The following SHROOM3 variants were observed in gnomAD, a reference collection of about 807,000 sequenced individuals.
SHROOM3 encodes the protein shroom family member 3, also known as protein Shroom3.
A neutral mutation model predicts 138.6 loss-of-function variants in SHROOM3; 47 were observed. The observed-to-expected ratio is 0.34, with a 90% CI of 0.27 to 0.43. SHROOM3 has a LOEUF of 0.43. Ranked by LOEUF, SHROOM3 falls within the 20% of genes least tolerant of loss-of-function variation. The probability of loss-of-function intolerance (pLI) is 1.00; values close to 1 mark genes in which losing one functional copy is unlikely to be tolerated. For synonymous variants in SHROOM3, 1,062 were observed against 1,063.3 expected, an observed-to-expected ratio of 1.00 and a Z score of 0.02; for missense variants, 2,491 against 2,596.5, an observed-to-expected ratio of 0.96 and a Z score of 0.88.
At position 76,518,186 on chromosome 4, in the gene SHROOM3, T is replaced by C. The variant is rs1490344628; in HGVS notation, c.169-37423T>C. Among the ~76,000 whole-genome samples the C allele has an allele frequency of 4.6e-5, 7 of 152,234 alleles. No homozygotes were observed. In the East Asian group the frequency reaches 1.4e-3, roughly 29 times the overall value. Reference sequence around the variant, plus strand: ...CTTAAGAATCATATAAAATATCAAATTATCTCAACTTCTGATAAATAGGGG... The same window carrying C: ...CTTAAGAATCATATAAAATATCAAACTATCTCAACTTCTGATAAATAGGGG... On this transcript the variant is annotated intron_variant, in intron 1 of 10. Transcript: ENST00000296043.
chr4:76,513,457 G>T (rs1456169282), intron 1 of SHROOM3, among the ~76,000 whole-genome samples: 1 of 152,102 alleles, frequency 6.6e-6, no homozygotes, highest in African/African-American at 2.4e-5. Context: ...GGGACTACAG[G>T]CACCTGCCAC....
chr4:76,773,130 A>C (rs762842151), intron 10 of SHROOM3, among the ~76,000 whole-genome samples: 10 of 152,156 alleles, frequency 6.6e-5, no homozygotes, highest in Non-Finnish European at 1.2e-4. Context: ...TAATCCCAGC[A>C]CTTTGGGAGG....
intron 1 of SHROOM3, among the ~76,000 whole-genome samples, chr4:76,507,539 CT>C (rs5859518): frequency 1.2e-3 from 168 of 139,116 alleles, no homozygotes; most frequent in Non-Finnish European, 1.3e-3. Context: ...TTGTATCTCT[CT>C]TTTTTTTTTT....
chr4:76,737,412 A>T (rs141861709), intron 4 of SHROOM3, among the ~76,000 whole-genome samples: 40 of 152,176 alleles, frequency 2.6e-4, no homozygotes, highest in Non-Finnish European at 4.3e-4. Flanking sequence ...TTTTGTGTGG[A>T]CGTGAGTTTT....
chr4:76,568,253 A>G (rs185443248), intron 2 of SHROOM3, among the ~76,000 whole-genome samples: 31 of 152,302 alleles, frequency 2.0e-4, no homozygotes, highest in Admixed American at 7.2e-4. Flanking sequence ...GGGCCCTTGG[A>G]CAAGTTAATT....
chr4:76,459,592 T>C (rs562195076), intron 1 of SHROOM3, among the ~76,000 whole-genome samples: 1 of 152,032 alleles, frequency 6.6e-6, no homozygotes, highest in Admixed American at 6.6e-5. Flanking sequence ...CAGAGGAAAA[T>C]CTCGCACAGC....
At chr4:76,655,740 C>T (rs1019897165) in intron 2 of SHROOM3, among the ~76,000 whole-genome samples, 13 of 152,160 alleles carry the variant, frequency 8.5e-5, no homozygotes, top group East Asian at 1.9e-4. Flanking sequence ...CAGGTCTCAT[C>T]GTCAGAAATT....
intron 2 of SHROOM3, chr4:76,586,318 T>A: frequency 4.1e-6 from 4 of 985,706 alleles, no homozygotes; most frequent in Non-Finnish European, 4.8e-6. Context: ...CTCCTGCGGA[T>A]CCTTCCTGGG....
In SHROOM3 at chr4:76,776,423, T is replaced by C. The variant is rs184593040; in HGVS notation, c.5623-2386T>C. Among the ~76,000 whole-genome samples, 347 of 152,378 alleles carry C rather than the reference T, an allele frequency of 2.3e-3. 3 individuals carry two copies. The highest frequency in any genetic ancestry group is 8.1e-3 in the African/African-American group (338 of 41,594). On this transcript the variant is annotated intron_variant, in intron 10 of 10. Transcript: ENST00000296043. ...TCTGTTTACTCTGCTGTTTTTATTT[T>C]GCTGTGCAAAAGCTCTTTAGTTTAA...
intron 2 of SHROOM3, chr4:76,688,227 C>A (rs1333179554): frequency 8.6e-6 from 2 of 232,936 alleles, no homozygotes; most frequent in Non-Finnish European, 1.4e-5. Flanking sequence ...ATAGGTAAAA[C>A]AAAATACAAT....
chr4:76,679,187 T>A (rs1326671759), intron 2 of SHROOM3, among the ~76,000 whole-genome samples: 1 of 152,154 alleles, frequency 6.6e-6, no homozygotes, highest in African/African-American at 2.4e-5. Context: ...AGTGTCACCT[T>A]TCTCTATTTC....
chr4:76,738,795 G>A lies in SHROOM3; in HGVS notation c.622G>A (p.Ala208Thr). Reference protein sequence around the residue: ...STSDLSNYDHAYLRRSPDQCS... With the variant: ...STSDLSNYDHTYLRRSPDQCS... The stretch of plus-strand genomic sequence containing the variant: ...TAGTGACCTCTCCAACTATGACCAT[G>A]CTTATCTAAGGCGGAGCCCTGACCA... The change falls in exon 5 of 11, where the codon GCT becomes ACT. Residue 208 changes from alanine to threonine, a missense_variant. Ala to Thr is a moderately conservative substitution (Grantham distance 58). Transcript: ENST00000296043. 6.2e-7 allele frequency: 1 copy of A among 1,614,228 alleles called. No homozygotes were observed. The highest frequency in any genetic ancestry group is 1.3e-5 in the African/African-American group (1 of 75,062).
rs150976994 is a variant in SHROOM3 at position 76,435,678 on chromosome 4, T to A, written c.-375T>A. On this transcript the variant is annotated 5_prime_UTR_variant, in exon 1 of 11. Coordinates refer to ENST00000296043, the MANE Select transcript of SHROOM3 (RefSeq NM_020859.4). ...ATTGTAAGATGCTTTTAATTTTCTC[T>A]GTAAAATAGGCAGAAATGGTTTTAG... 4.1e-3 allele frequency: 683 copies of A among 164,602 alleles called. 4 individuals carry two copies. Among genetic ancestry groups the A allele is most frequent in the African/African-American group, 0.013 (545 of 42,022 alleles). The allele number at this position is 164,602 out of a possible 1,614,324, so 10.2% of individuals were successfully genotyped here.
In SHROOM3 at chr4:76,503,373, G is replaced by A. The variant is rs115027197; in HGVS notation, c.169-52236G>A. 3.9e-3 allele frequency among the ~76,000 whole-genome samples: 591 copies of A among 152,034 alleles called. 3 individuals are homozygous for A. Among genetic ancestry groups the A allele is most frequent in the African/African-American group, 0.013 (557 of 41,472 alleles). On this transcript the variant is annotated intron_variant, in intron 1 of 10. Coordinates refer to ENST00000296043, the MANE Select transcript of SHROOM3 (RefSeq NM_020859.4). ...TCATTAGATTTATTCCTATGTGTTC[G>A]ATTTGCTATAGTAAATAGTATTCTT...
At chr4:76,762,245 G>A (rs1284191555) in intron 9 of SHROOM3, among the ~76,000 whole-genome samples, 1 of 152,180 alleles carries the variant, frequency 6.6e-6, no homozygotes, top group African/African-American at 2.4e-5. Flanking sequence ...TGCTTTTTGA[G>A]CTGCAGGGTG....
chr4:76,601,620 T>C (rs1276510246), intron 2 of SHROOM3, among the ~76,000 whole-genome samples: 1 of 152,216 alleles, frequency 6.6e-6, no homozygotes, highest in Non-Finnish European at 1.5e-5. Flanking sequence ...TTCTCCTGCG[T>C]CAGCCTCCTG....
intron 2 of SHROOM3, among the ~76,000 whole-genome samples, chr4:76,560,247 GTTTAA>G (rs1281221672): frequency 6.6e-6 from 1 of 152,144 alleles, no homozygotes; most frequent in Non-Finnish European, 1.5e-5. Context: ...GGGTCTTCAG[GTTTAA>G]TTTATCATCC....
chr4:76,748,893 A>C, intron 5 of SHROOM3, 124 bp from the exon 6 acceptor site: 1 of 754,766 alleles, frequency 1.3e-6, no homozygotes, highest in Non-Finnish European at 2.4e-6. Context: ...GAGTGCCACC[A>C]CGTGGCCTGA....
chr4:76,762,757 T>C (rs914589914), intron 9 of SHROOM3, among the ~76,000 whole-genome samples: 1 of 152,236 alleles, frequency 6.6e-6, no homozygotes, highest in East Asian at 1.9e-4. Flanking sequence ...ACACTGTGTC[T>C]GCTTTCCTGG....
Sources: allele counts gnomAD v4.1 joint callset (sites outside exome capture counted in the v4.1 genomes callset), GRCh38; gene constraint gnomAD v4.1.1; transcripts MANE v1.5; gene names NCBI Gene and HGNC (gene_info 2026-07-23, HGNC 2026-07-21).